Variants in C1orf174 observed in about 807,000 individuals in gnomAD.
The protein encoded by C1orf174 is UPF0688 protein C1orf174.
In C1orf174, 13 loss-of-function variants were observed where a neutral mutation model predicts 18.4. That is an observed-to-expected ratio of 0.71 (90% CI 0.46 to 1.12). The LOEUF is 1.12. Ranked by LOEUF, C1orf174 falls within the 50% of genes most tolerant of loss-of-function variation. C1orf174 has a pLI of 0.00. For synonymous variants in C1orf174, 100 were observed against 118.3 expected (o/e 0.85, Z 1.01); for missense variants, 309 against 308.0 (o/e 1.00, Z -0.02).
chr1:3,896,418 C>A lies in C1orf174; in HGVS notation c.16-3422G>T, dbSNP rs543517925. 5.9e-5 allele frequency among the ~76,000 whole-genome samples: 9 copies of A among 152,366 alleles called. No homozygotes were observed. In the South Asian group the frequency reaches 1.9e-3, roughly 32 times the overall value. ...TTGGAGGATCTCAGGCTGCTGCTAG[C>A]TCCCCCAGCCCCTATTCAGAGAGGA... On this transcript the variant is annotated intron_variant, in intron 1 of 3. Transcript: ENST00000361605.
In C1orf174 at chr1:3,890,654, T is replaced by C; in HGVS notation, c.533A>G (p.Gln178Arg). The C allele has an allele frequency of 6.2e-7, 1 of 1,614,164 alleles. No individual in the cohort carries two copies. The highest frequency in any genetic ancestry group is 8.5e-7 in the Non-Finnish European group (1 of 1,180,022). Residue 178 changes from glutamine (Q) to arginine (R), a missense_variant, in exon 3 of 4, where the codon CAG becomes CGG. By Grantham distance (43) the Gln-to-Arg change is conservative. Coordinates refer to ENST00000361605, the MANE Select transcript of C1orf174 (RefSeq NM_207356.3). The part of the protein sequence containing the change: ...QTEDVQKPPL[Q>R]MDNSVFLDDD... ...ATCTAGAAAGACGCTGTTGTCCATC[T>C]GAAGTGGTGGCTTCTGCACATCCTC...
At position 3,891,075 on chromosome 1, in the gene C1orf174, G is replaced by C; in HGVS notation, c.130-18C>G. The C allele has an allele frequency of 6.3e-7, 1 of 1,597,068 alleles. No homozygotes were observed. Reference sequence around the variant, plus strand: ...GAGGAAGTCTGTCAAGAAAAAAAATGTAAGGGGAACCAGACATATCTAGCA... The same window carrying C: ...GAGGAAGTCTGTCAAGAAAAAAAATCTAAGGGGAACCAGACATATCTAGCA... On this transcript the variant is annotated intron_variant, in intron 2 of 3. Coordinates refer to ENST00000361605, the MANE Select transcript of C1orf174 (RefSeq NM_207356.3).
At chr1:3,893,621 G>C (rs1638552238) in intron 1 of C1orf174, among the ~76,000 whole-genome samples, 1 of 152,240 alleles carries the variant, frequency 6.6e-6, no homozygotes, top group African/African-American at 2.4e-5. Flanking sequence ...AGAAACTGGT[G>C]TGATAGCTCA....
chr1:3,893,082 C>T (rs1209359683), intron 1 of C1orf174, 86 bp from the exon 2 acceptor site: 34 of 1,405,582 alleles, frequency 2.4e-5, no homozygotes, highest in Middle Eastern at 1.8e-4. Flanking sequence ...AAAGAACACC[C>T]GAAGACCGCC....
At chr1:3,893,866 C>T (rs1261008257) in intron 1 of C1orf174, among the ~76,000 whole-genome samples, 5 of 152,146 alleles carry the variant, frequency 3.3e-5, no homozygotes, top group Non-Finnish European at 5.9e-5. Context: ...CACTGCACTC[C>T]ACCTGGGTGA....
chr1:3,890,797 A>G lies in C1orf174; in HGVS notation c.390T>C (p.Ser130=). 1 of 1,613,714 alleles carries G rather than the reference A, an allele frequency of 6.2e-7. No homozygotes were observed. Among genetic ancestry groups the G allele is most frequent in the Non-Finnish European group, 8.5e-7 (1 of 1,179,996 alleles). The change falls in exon 3 of 4, where the codon TCT becomes TCC. Residue 130 remains serine (S), a synonymous_variant. Transcript: ENST00000361605. ...GGCCATCTCTAGTCTTTGCTAAGCG[A>G]GAGTCACTCACAACTCTGCAGCCAC... The part of the protein sequence containing the change: ...PLGGCRVVSD[S]RLAKTRDGLS...
rs1638467200 is a variant in C1orf174 at position 3,889,736 on chromosome 1, A to G, written c.*224T>C. 1 of 442,794 alleles carries G rather than the reference A, an allele frequency of 2.3e-6. No homozygotes were observed. Among genetic ancestry groups the G allele is most frequent in the Non-Finnish European group, 4.1e-6 (1 of 242,198 alleles). 27.4% of individuals were successfully genotyped at this position (442,794 alleles called of 1,614,324 possible). A position where few individuals can be genotyped will look rare whatever the true frequency, so the allele number is the denominator to read the frequency against. ...AAAAAAAAAAAGAAAGGACATTGGC[A>G]CAGTACAGCAGCTTTGCAACCTCAA... On this transcript the variant is annotated 3_prime_UTR_variant, in exon 4 of 4. Transcript: ENST00000361605.
intron 2 of C1orf174, 55 bp downstream of exon 2, chr1:3,892,828 T>G: frequency 6.3e-7 from 1 of 1,583,022 alleles, no homozygotes; most frequent in Non-Finnish European, 8.6e-7. Flanking sequence ...CAATTTTGTA[T>G]AAAAATGGAC....
At chr1:3,891,597 G>A (rs568426584) in intron 2 of C1orf174, 1 of 986,544 alleles carries the variant, frequency 1.0e-6, no homozygotes, top group Non-Finnish European at 1.2e-6. Flanking sequence ...CCCCTCAACT[G>A]TAGGCTCCGT....
intron 1 of C1orf174, among the ~76,000 whole-genome samples, chr1:3,898,208 G>A (rs1256425979): frequency 6.6e-6 from 1 of 151,684 alleles, no homozygotes; most frequent in African/African-American, 2.4e-5. Context: ...CCTATATCCA[G>A]CAAAGCTATA....
At chr1:3,893,419 T>C (rs1487050216) in intron 1 of C1orf174, among the ~76,000 whole-genome samples, 4 of 152,240 alleles carry the variant, frequency 2.6e-5, no homozygotes, top group Admixed American at 2.0e-4. Context: ...TAGACTCCTA[T>C]TCTATTAGCT....
intron 1 of C1orf174, 62 bp downstream of exon 1, chr1:3,900,110 C>G (rs1638683272): frequency 4.5e-6 from 7 of 1,547,866 alleles, no homozygotes; most frequent in Admixed American, 3.8e-5. Context: ...GTTCTCCAGA[C>G]AGCAGGTGAC....
chr1:3,892,821 T>C, intron 2 of C1orf174, 62 bp downstream of exon 2: 2 of 1,575,814 alleles, frequency 1.3e-6, no homozygotes, highest in Non-Finnish European at 1.7e-6. Context: ...GGAGTGGCAA[T>C]TTTGTATAAA....
At position 3,891,257 on chromosome 1, in the gene C1orf174, C is replaced by G. The variant is rs1638506035; in HGVS notation, c.130-200G>C. The G allele has an allele frequency of 2.5e-5, 16 of 642,568 alleles. No homozygotes were observed. The South Asian group carries it at 3.1e-4, about 12-fold the overall frequency. 39.8% of individuals were successfully genotyped at this position (642,568 alleles called of 1,614,324 possible). ...GAATCTAGACACACCCCACACCACTCCTACACTTTCAGTTTTCCCTAGTGG... is the reference window on the plus strand; with the variant it reads ...GAATCTAGACACACCCCACACCACTGCTACACTTTCAGTTTTCCCTAGTGG... On this transcript the variant is annotated intron_variant, in intron 2 of 3. Transcript: ENST00000361605.
Position 3,900,224 on chromosome 1 carries a change from C to A in C1orf174, c.-38G>T, listed in dbSNP as rs371361571. The A allele has an allele frequency of 3.5e-4, 543 of 1,554,810 alleles. 1 individual carries two copies. The highest frequency in any genetic ancestry group is 1.2e-3 in the Middle Eastern group (7 of 5,796). On this transcript the variant is annotated 5_prime_UTR_variant, in exon 1 of 4. Transcript: ENST00000361605. ...CGCAGCCAAGCACCGCGCGCCCCGG[C>A]CAACGCGTCCCGGCGGAGCGGCGAC...
In C1orf174 at chr1:3,891,075, G is replaced by A. The variant is rs764059641; in HGVS notation, c.130-18C>T. The A allele has an allele frequency of 1.5e-5, 24 of 1,596,950 alleles. 1 individual carries two copies. In the Admixed American group the frequency reaches 1.9e-4, roughly 13 times the overall value. ...GAGGAAGTCTGTCAAGAAAAAAAAT[G>A]TAAGGGGAACCAGACATATCTAGCA... On this transcript the variant is annotated intron_variant, in intron 2 of 3. Transcript: ENST00000361605.
At chr1:3,896,505 G>A (rs551143404) in intron 1 of C1orf174, among the ~76,000 whole-genome samples, 2 of 152,358 alleles carry the variant, frequency 1.3e-5, no homozygotes, top group East Asian at 3.9e-4. Flanking sequence ...TGAGAGGCAG[G>A]CAACTAAACA....
At position 3,891,053 on chromosome 1, in the gene C1orf174, G is replaced by C. The variant is rs752705702; in HGVS notation, c.134C>G (p.Ser45Cys). ...STSAKTACLT[S>C]SSHKATDTRT... ...CGTGTCTGTGGCTTTGTGGGATGAG[G>C]AAGTCTGTCAAGAAAAAAAATGTAA... Residue 45 changes from serine (S) to cysteine (C), a missense_variant, in exon 3 of 4, where the codon TCC (serine) becomes TGC (cysteine). Coordinates refer to ENST00000361605, the MANE Select transcript of C1orf174 (RefSeq NM_207356.3). 1.2e-5 allele frequency: 20 copies of C among 1,606,648 alleles called. No individual in the cohort carries two copies. The highest frequency in any genetic ancestry group is 1.5e-5 in the Non-Finnish European group (18 of 1,177,202).
rs762923332 is a variant in C1orf174, at chr1:3,900,174, T to G, written c.13A>C (p.Lys5Gln). The G allele has an allele frequency of 1.3e-6, 2 of 1,586,642 alleles. No individual in the cohort carries two copies. The highest frequency in any genetic ancestry group is 1.7e-6 in the Non-Finnish European group (2 of 1,174,890). The change falls in exon 1 of 4, where the codon AAG (lysine) becomes CAG (glutamine). Residue 5 changes from lysine (K) to glutamine (Q), a missense_variant and splice_region_variant. Physicochemically the swap from Lys to Gln is moderately conservative, Grantham distance 53 (BLOSUM62 1). Coordinates refer to ENST00000361605, the MANE Select transcript of C1orf174 (RefSeq NM_207356.3). MRSR[K>Q]LTGAVRSSAR... is the part of the protein sequence containing the mutation. ...TGCTGCCGGGACCCAGCCCTCACCTTCCGGCTCCTCATGAGTGTGAGCACC... is the reference window on the plus strand; with the variant it reads ...TGCTGCCGGGACCCAGCCCTCACCTGCCGGCTCCTCATGAGTGTGAGCACC...
Sources: gnomAD v4.1 joint callset for allele counts (sites outside exome capture counted in the v4.1 genomes callset) on GRCh38, gnomAD v4.1.1 for gene constraint, MANE v1.5 for transcripts, NCBI Gene and HGNC (gene_info 2026-07-23, HGNC 2026-07-21) for gene names.